Variants in FMN1 observed in about 807,000 individuals in gnomAD.
FMN1 encodes the protein formin-1.
FMN1 carries 110 observed loss-of-function variants against 132.4 expected under a neutral mutation model. That is an observed-to-expected ratio of 0.83 (90% CI 0.71 to 0.97). The LOEUF (loss-of-function observed/expected upper bound fraction) is 0.97, where lower values mean the gene tolerates loss of function less well. FMN1 is among the 50% of genes least tolerant of loss of function. FMN1 has a pLI of 0.00. For missense variants in FMN1, 1,792 were observed against 1,705.3 expected, an observed-to-expected ratio of 1.05 and a Z score of -0.90; for synonymous variants, 722 against 651.7, an observed-to-expected ratio of 1.11 and a Z score of -1.64.
intron 3 of FMN1, among the ~76,000 whole-genome samples, chr15:33,168,131 T>C (rs2140314407): frequency 6.6e-6 from 1 of 152,300 alleles, no homozygotes; most frequent in Non-Finnish European, 1.5e-5. Flanking sequence ...TTAAGTAACT[T>C]GTCCGAAGTC....
intron 9 of FMN1, among the ~76,000 whole-genome samples, chr15:32,937,578 T>C (rs1276759055): frequency 6.6e-6 from 1 of 152,212 alleles, no homozygotes; most frequent in Non-Finnish European, 1.5e-5. Flanking sequence ...CCACTTTTAG[T>C]TTCTGAGAGG....
Position 33,002,478 on chromosome 15 carries a change from G to A in FMN1, c.2223+5536C>T, listed in dbSNP as rs57101742. On this transcript the variant is annotated intron_variant, in intron 7 of 20. Coordinates refer to ENST00000616417, the MANE Select transcript of FMN1 (RefSeq NM_001277313.2). ...GTGGGTTTTTGTCTGTTCGTTTTAC[G>A]AACAGCATCTATTTTTTATTGTATT... 5.4e-3 allele frequency among the ~76,000 whole-genome samples: 815 copies of A among 152,212 alleles called. 5 individuals carry two copies. Among genetic ancestry groups the A allele is most frequent in the African/African-American group, 0.019 (790 of 41,522 alleles).
chr15:32,810,002 C>G (rs2057817979), intron 17 of FMN1, among the ~76,000 whole-genome samples: 1 of 152,116 alleles, frequency 6.6e-6, no homozygotes, highest in Admixed American at 6.5e-5. Context: ...TCACTGCAAC[C>G]TCCATCTCCC....
chr15:32,795,303 C>T (rs1363228766), intron 19 of FMN1, among the ~76,000 whole-genome samples: 7 of 152,144 alleles, frequency 4.6e-5, no homozygotes, highest in Non-Finnish European at 8.8e-5. Flanking sequence ...TTCTTTCTGG[C>T]ACCTAATCTC....
intron 17 of FMN1, among the ~76,000 whole-genome samples, chr15:32,827,731 C>T (rs1338604565): frequency 1.3e-5 from 2 of 151,972 alleles, no homozygotes; most frequent in African/African-American, 4.8e-5. Context: ...GTAGTCCCAG[C>T]TACTCGGGAG....
rs1222904915 is a variant in FMN1 at position 32,969,432 on chromosome 15, T to C, written c.2269A>G (p.Met757Val). Residue 757 changes from methionine to valine, a missense_variant, in exon 8 of 21, where the codon ATG becomes GTG. Coordinates refer to ENST00000616417, the MANE Select transcript of FMN1 (RefSeq NM_001277313.2). Reference protein sequence around the residue: ...RAFHIRGEHAMITARLEETIE... With the variant: ...RAFHIRGEHAVITARLEETIE... ...GTTTCTTCTAGTCTCGCTGTTATCATTGCATGCTCGCCCCGGATATGAAAT... is the reference window on the plus strand; with the variant it reads ...GTTTCTTCTAGTCTCGCTGTTATCACTGCATGCTCGCCCCGGATATGAAAT... 5.0e-6 allele frequency: 8 copies of C among 1,613,900 alleles called. No individual in the cohort carries two copies. Among genetic ancestry groups the C allele is most frequent in the East Asian group, 2.2e-5 (1 of 44,898 alleles).
intron 7 of FMN1, among the ~76,000 whole-genome samples, chr15:33,001,712 T>TTCCC (rs2034128656): frequency 6.2e-5 from 2 of 32,306 alleles, no homozygotes; most frequent in African/African-American, 1.0e-4. Flanking sequence ...CCCTTCCCCC[T>TTCCC]CCTCCTCCTC....
chr15:32,863,754 G>A (rs1490275408), intron 16 of FMN1, among the ~76,000 whole-genome samples: 1 of 152,156 alleles, frequency 6.6e-6, no homozygotes, highest in Admixed American at 6.5e-5. Flanking sequence ...TGGTGGTGGG[G>A]TGGGAGGACG....
chr15:33,066,777 C>T lies in FMN1; in HGVS notation c.2044-1703G>A, dbSNP rs770451955. 6 of 1,613,850 alleles carry T rather than the reference C, an allele frequency of 3.7e-6. No homozygotes were observed. In the African/African-American group the frequency reaches 8.0e-5, roughly 22 times the overall value. ...TCTTGGTCAGCATTGCAGCCCATCT[C>T]TTCTCTCCTGGGCGACTCAGGGTCT... On this transcript the variant is annotated intron_variant, in intron 5 of 20. Transcript: ENST00000616417.
chr15:32,994,230 TCTCA>T (rs1312344971), intron 7 of FMN1, among the ~76,000 whole-genome samples: 2 of 28,152 alleles, frequency 7.1e-5, no homozygotes, highest in African/African-American at 7.5e-5. Flanking sequence ...TCTCTCTCTC[TCTCA>T]CACACACACA....
At chr15:32,911,384 A>G (rs770011982) in intron 10 of FMN1, among the ~76,000 whole-genome samples, 3 of 152,202 alleles carry the variant, frequency 2.0e-5, no homozygotes, top group Non-Finnish European at 4.4e-5. Flanking sequence ...GAAATTAACC[A>G]GCACGCTAGT....
chr15:33,181,365 C>T (rs980892612), intron 2 of FMN1, among the ~76,000 whole-genome samples: 8 of 152,202 alleles, frequency 5.3e-5, no homozygotes, highest in African/African-American at 7.2e-5. Flanking sequence ...CTGCCTCTTC[C>T]GAGCAGACAA....
chr15:33,028,618 T>C (rs1257034388), intron 6 of FMN1, among the ~76,000 whole-genome samples: 1 of 152,176 alleles, frequency 6.6e-6, no homozygotes, highest in Non-Finnish European at 1.5e-5. Flanking sequence ...AGATAATCTG[T>C]GAGATCATTT....
chr15:32,971,846 G>A (rs1462341428), intron 7 of FMN1, among the ~76,000 whole-genome samples: 2 of 152,128 alleles, frequency 1.3e-5, no homozygotes, highest in African/African-American at 4.8e-5. Context: ...ATGAAATCTT[G>A]TATCTAGAGC....
intron 19 of FMN1, among the ~76,000 whole-genome samples, chr15:32,781,281 A>G (rs2056655105): frequency 6.6e-6 from 1 of 152,214 alleles, no homozygotes; most frequent in African/African-American, 2.4e-5. Flanking sequence ...CTTACTTAAT[A>G]TTAATCACAT....
intron 4 of FMN1, among the ~76,000 whole-genome samples, chr15:33,107,538 G>A (rs764867315): frequency 6.6e-6 from 1 of 152,072 alleles, no homozygotes; most frequent in Admixed American, 6.6e-5. Context: ...CCTTCTTGCT[G>A]TTTTGTAATG....
intron 6 of FMN1, among the ~76,000 whole-genome samples, chr15:33,013,746 A>G (rs1160639103): frequency 6.6e-6 from 1 of 152,258 alleles, no homozygotes; most frequent in African/African-American, 2.4e-5. Context: ...GTCCTAACCC[A>G]TGTCATGATA....
chr15:33,074,522 G>A (rs1372114213), intron 5 of FMN1, among the ~76,000 whole-genome samples: 4 of 152,186 alleles, frequency 2.6e-5, no homozygotes, highest in African/African-American at 7.2e-5. Context: ...AAAGTCTTAA[G>A]AGTAAAATAT....
In FMN1 at chr15:32,963,815, C is replaced by G. The variant is rs78366819; in HGVS notation, c.3138+292G>C. 6.7e-3 allele frequency among the ~76,000 whole-genome samples: 1,013 copies of G among 152,140 alleles called. 18 individuals are homozygous for G. The highest frequency in any genetic ancestry group is 0.023 in the African/African-American group (967 of 41,498). On this transcript the variant is annotated intron_variant, in intron 9 of 20. Transcript: ENST00000616417. ...GAAGATATGGCCAAAATAGCAGGCACAGATTTCATGAACTATTGGCTCCCT... is the reference window on the plus strand; with the variant it reads ...GAAGATATGGCCAAAATAGCAGGCAGAGATTTCATGAACTATTGGCTCCCT...
Sources: allele counts gnomAD v4.1 joint callset (sites outside exome capture counted in the v4.1 genomes callset), GRCh38; gene constraint gnomAD v4.1.1; transcripts MANE v1.5; gene names NCBI Gene and HGNC (gene_info 2026-07-23, HGNC 2026-07-21).